Variants in PTPRK observed in about 807,000 individuals in gnomAD.
The protein encoded by PTPRK is receptor-type tyrosine-protein phosphatase kappa.
Under a neutral mutation model 178.0 loss-of-function variants are expected in PTPRK, and 75 were observed. The ratio of observed to expected loss-of-function variants is 0.42; its 90% CI spans 0.35 to 0.51. PTPRK has a LOEUF of 0.51. PTPRK is among the 20% of genes least tolerant of loss of function. The pLI is 0.02. For missense variants in PTPRK, 1,441 were observed against 1,797.8 expected, an observed-to-expected ratio of 0.80 and a Z score of 3.59; for synonymous variants, 637 against 620.6, an observed-to-expected ratio of 1.03 and a Z score of -0.39.
At chr6:128,470,741 ATC>A (rs942671494) in intron 1 of PTPRK, among the ~76,000 whole-genome samples, 15 of 143,002 alleles carry the variant, frequency 1.0e-4, no homozygotes, top group East Asian at 6.4e-4. Flanking sequence ...AAGAAACAAT[ATC>A]TCTCTCTTTT....
At chr6:128,515,915 A>G (rs1279106523) in intron 1 of PTPRK, among the ~76,000 whole-genome samples, 3 of 151,178 alleles carry the variant, frequency 2.0e-5, no homozygotes, top group Non-Finnish European at 4.4e-5. Flanking sequence ...CTGCACTTTA[A>G]AAATATTAGT....
At chr6:128,468,426 A>T (rs1850176526) in intron 1 of PTPRK, among the ~76,000 whole-genome samples, 1 of 150,016 alleles carries the variant, frequency 6.7e-6, no homozygotes, top group South Asian at 2.1e-4. Context: ...TTCATTTAAG[A>T]GCCTGACAAT....
intron 5 of PTPRK, among the ~76,000 whole-genome samples, chr6:128,219,370 A>T (rs890671713): frequency 6.6e-6 from 1 of 152,198 alleles, no homozygotes; most frequent in African/African-American, 2.4e-5. Flanking sequence ...TTCCACCTCA[A>T]ATCATCAGGC....
intron 7 of PTPRK, among the ~76,000 whole-genome samples, chr6:128,114,947 T>C (rs1257804282): frequency 6.6e-6 from 1 of 152,018 alleles, no homozygotes; most frequent in African/African-American, 2.4e-5. Context: ...TCTTCAGCCA[T>C]TCTTTTGTTT....
intron 6 of PTPRK, among the ~76,000 whole-genome samples, chr6:128,214,333 T>G (rs1466429851): frequency 6.6e-6 from 1 of 152,162 alleles, no homozygotes; most frequent in Non-Finnish European, 1.5e-5. Flanking sequence ...TGACTTAGTA[T>G]GGTAACACCC....
At chr6:128,446,305 A>C (rs1458701124) in intron 1 of PTPRK, among the ~76,000 whole-genome samples, 2 of 152,230 alleles carry the variant, frequency 1.3e-5, no homozygotes, top group Non-Finnish European at 2.9e-5. Context: ...AATTAAATTT[A>C]ATAGAAGTCA....
At position 128,435,106 on chromosome 6, in the gene PTPRK, AAGGC is replaced by A. The variant is rs66666583; in HGVS notation, c.101-37422_101-37419del. 9.2e-3 allele frequency among the ~76,000 whole-genome samples: 595 copies of A among 64,346 alleles called. 3 individuals are homozygous for A. Among genetic ancestry groups the A allele is most frequent in the Middle Eastern group, 0.015 (2 of 136 alleles). 42.2% of individuals were successfully genotyped at this position (64,346 alleles called of 152,430 possible). A position where few individuals can be genotyped will look rare whatever the true frequency, so the allele number is the denominator to read the frequency against. The stretch of plus-strand genomic sequence containing the variant: ...GAAGGAAGGAAGGAAGGAAGGAAGG[AAGGC>A]AGGAAGGCAGGCAGGAAGGCAGGCA... On this transcript the variant is annotated intron_variant, in intron 1 of 29. Coordinates refer to ENST00000368226, the MANE Select transcript of PTPRK (RefSeq NM_002844.4).
intron 3 of PTPRK, among the ~76,000 whole-genome samples, chr6:128,276,559 A>G (rs1202890402): frequency 2.0e-5 from 3 of 152,182 alleles, no homozygotes; most frequent in African/African-American, 7.2e-5. Flanking sequence ...ATTTCTTATT[A>G]GAGAGCCATA....
At chr6:128,246,719 A>G (rs1320403775) in intron 3 of PTPRK, among the ~76,000 whole-genome samples, 6 of 152,208 alleles carry the variant, frequency 3.9e-5, no homozygotes, top group Non-Finnish European at 7.3e-5. Context: ...GCTTCCCAGA[A>G]GAAGAGAGCA....
At chr6:128,364,979 T>C (rs1835288093) in intron 2 of PTPRK, among the ~76,000 whole-genome samples, 1 of 152,070 alleles carries the variant, frequency 6.6e-6, no homozygotes, top group South Asian at 2.1e-4. Flanking sequence ...AGTTATGGTA[T>C]GAGTTTGATA....
chr6:128,281,922 A>G (rs1333812056), intron 3 of PTPRK, among the ~76,000 whole-genome samples: 3 of 152,224 alleles, frequency 2.0e-5, no homozygotes, highest in African/African-American at 4.8e-5. Flanking sequence ...AGTTTTTGAC[A>G]TGTTCAACAG....
intron 7 of PTPRK, among the ~76,000 whole-genome samples, chr6:128,099,114 T>C (rs976693093): frequency 6.6e-6 from 1 of 151,548 alleles, no homozygotes; most frequent in Non-Finnish European, 1.5e-5. Flanking sequence ...TGTAGGTATA[T>C]ATAAGAGAAT....
rs768646020 is a variant in PTPRK, at chr6:128,219,110, C to T, written c.694-14G>A. On this transcript the variant is annotated splice_polypyrimidine_tract_variant and intron_variant, in intron 5 of 29. Transcript: ENST00000368226. ...TCCATTTCGTCTCTGCAAACAGAAA[C>T]CAATCTTTAAAAACAGGTTCTTACT... 1.9e-6 allele frequency: 3 copies of T among 1,596,412 alleles called. No individual in the cohort carries two copies. In the Admixed American group the frequency reaches 5.1e-5, roughly 27 times the overall value.
At chr6:128,276,482 A>G (rs1295104108) in intron 3 of PTPRK, among the ~76,000 whole-genome samples, 1 of 152,166 alleles carries the variant, frequency 6.6e-6, no homozygotes, top group East Asian at 1.9e-4. Context: ...AGAAAGAAAA[A>G]TGGGAATAAA....
At chr6:128,173,811 A>G (rs940939707) in intron 7 of PTPRK, among the ~76,000 whole-genome samples, 5 of 152,016 alleles carry the variant, frequency 3.3e-5, no homozygotes, top group African/African-American at 1.2e-4. Flanking sequence ...AGACTGAAGT[A>G]GCAGCCTTCT....
At chr6:128,352,070 C>T (rs1171709625) in intron 2 of PTPRK, among the ~76,000 whole-genome samples, 2 of 151,792 alleles carry the variant, frequency 1.3e-5, no homozygotes, top group African/African-American at 2.4e-5. Context: ...GCCTGGCCAA[C>T]ATGGTGAAAC....
intron 12 of PTPRK, among the ~76,000 whole-genome samples, chr6:128,065,489 C>T (rs998148287): frequency 6.6e-6 from 1 of 152,168 alleles, no homozygotes; most frequent in Non-Finnish European, 1.5e-5. Context: ...TTTGGCCCCA[C>T]TCTTCCTCCT....
chr6:128,504,174 C>G (rs1389279586), intron 1 of PTPRK, among the ~76,000 whole-genome samples: 1 of 152,096 alleles, frequency 6.6e-6, no homozygotes, highest in Non-Finnish European at 1.5e-5. Context: ...GAGTCTTGAC[C>G]TAAAAGGACC....
chr6:128,279,823 C>T (rs967803865), intron 3 of PTPRK, among the ~76,000 whole-genome samples: 4 of 152,094 alleles, frequency 2.6e-5, no homozygotes, highest in Non-Finnish European at 5.9e-5. Flanking sequence ...ACAGCTAACG[C>T]CCTTATTATT....
Sources: allele counts gnomAD v4.1 joint callset (sites outside exome capture counted in the v4.1 genomes callset), GRCh38; gene constraint gnomAD v4.1.1; transcripts MANE v1.5; gene names NCBI Gene and HGNC (gene_info 2026-07-23, HGNC 2026-07-21).